Variants in FSTL5 observed in about 807,000 individuals in gnomAD.
FSTL5 encodes the protein follistatin like 5.
In FSTL5, 62 loss-of-function variants were observed where a neutral mutation model predicts 89.1. The observed-to-expected ratio is 0.70, with a 90% confidence interval of 0.57 to 0.86. The LOEUF is 0.86. FSTL5 is among the 40% of genes least tolerant of loss of function. The pLI is 0.00. For missense variants in FSTL5, 1,057 were observed against 1,001.6 expected, an observed-to-expected ratio of 1.06 and a Z score of -0.75; for synonymous variants, 383 against 346.2, an observed-to-expected ratio of 1.11 and a Z score of -1.18.
intron 12 of FSTL5, among the ~76,000 whole-genome samples, chr4:161,499,161 C>A (rs1382588186): frequency 6.6e-6 from 1 of 152,070 alleles, no homozygotes; most frequent in Non-Finnish European, 1.5e-5. Flanking sequence ...GAGATCACTC[C>A]ATTGCACTCC....
At chr4:161,848,297 G>A (rs1246157947) in intron 4 of FSTL5, among the ~76,000 whole-genome samples, 1 of 151,972 alleles carries the variant, frequency 6.6e-6, no homozygotes, top group African/African-American at 2.4e-5. Context: ...ACTTTCAGGA[G>A]GCTGATTTCT....
At chr4:161,767,956 G>A (rs1741075705) in intron 5 of FSTL5, among the ~76,000 whole-genome samples, 1 of 147,002 alleles carries the variant, frequency 6.8e-6, no homozygotes, top group Non-Finnish European at 1.5e-5. Context: ...GGTAATTAAC[G>A]CACATATGCG....
At position 161,724,025 on chromosome 4, in the gene FSTL5, A is replaced by G. The variant is rs1739309133; in HGVS notation, c.727+35386T>C. Among the ~76,000 whole-genome samples the G allele has an allele frequency of 2.6e-5, 4 of 152,292 alleles. No individual in the cohort carries two copies. In the Middle Eastern group the frequency reaches 0.014, roughly 522 times the overall value. ...AAAGGTAAAATGACAGTACAACCAG[A>G]TGAGATTAAAATGAATAAGGCCTTA... On this transcript the variant is annotated intron_variant, in intron 6 of 15. Coordinates refer to ENST00000306100, the MANE Select transcript of FSTL5 (RefSeq NM_020116.5).
At chr4:161,440,184 CA>C (rs1266137691) in intron 15 of FSTL5, among the ~76,000 whole-genome samples, 9 of 152,036 alleles carry the variant, frequency 5.9e-5, no homozygotes, top group Non-Finnish European at 1.5e-5. Flanking sequence ...TAAAAGTGAA[CA>C]AATCATCATT....
chr4:161,679,508 T>G (rs1157581584), intron 6 of FSTL5, among the ~76,000 whole-genome samples: 1 of 151,824 alleles, frequency 6.6e-6, no homozygotes, highest in African/African-American at 2.4e-5. Context: ...TCCAGCCGCA[T>G]GAACATGTGC....
chr4:161,538,056 T>TA, intron 10 of FSTL5, 110 bp downstream of exon 10: 1 of 919,236 alleles, frequency 1.1e-6, no homozygotes, highest in Non-Finnish European at 1.7e-6. Context: ...CTATTTGTTA[T>TA]AATGCATTGT....
chr4:161,949,071 T>C (rs751553664), intron 3 of FSTL5, among the ~76,000 whole-genome samples: 7 of 152,152 alleles, frequency 4.6e-5, no homozygotes, highest in Admixed American at 1.3e-4. Context: ...TGGGAGGTTC[T>C]AGGGGAGAAT....
At chr4:161,571,163 G>C (rs994776206) in intron 8 of FSTL5, among the ~76,000 whole-genome samples, 2 of 151,962 alleles carry the variant, frequency 1.3e-5, no homozygotes, top group African/African-American at 4.8e-5. Flanking sequence ...ATAGTAAAAA[G>C]AATCTGGGAA....
intron 4 of FSTL5, among the ~76,000 whole-genome samples, chr4:161,876,969 G>A (rs1732463468): frequency 1.3e-5 from 2 of 151,888 alleles, no homozygotes; most frequent in Admixed American, 1.3e-4. Flanking sequence ...CGGATCACCA[G>A]AGGTCGGGAG....
At chr4:162,004,484 C>A (rs1450456319) in intron 3 of FSTL5, among the ~76,000 whole-genome samples, 3 of 152,120 alleles carry the variant, frequency 2.0e-5, no homozygotes, top group Admixed American at 1.3e-4. Flanking sequence ...CATGCGTCTT[C>A]TTTTCATCTT....
intron 11 of FSTL5, among the ~76,000 whole-genome samples, chr4:161,508,149 T>G (rs540166588): frequency 2.6e-4 from 40 of 152,184 alleles, no homozygotes; most frequent in African/African-American, 8.7e-4. Context: ...TACCCAATGA[T>G]GGGGTTCAGT....
chr4:162,094,678 A>T (rs981528472), intron 2 of FSTL5, among the ~76,000 whole-genome samples: 1 of 152,214 alleles, frequency 6.6e-6, no homozygotes, highest in East Asian at 1.9e-4. Flanking sequence ...AAACTAATTC[A>T]TAGTGAAATA....
intron 6 of FSTL5, among the ~76,000 whole-genome samples, chr4:161,679,330 AT>A (rs1176196306): frequency 6.6e-6 from 1 of 151,746 alleles, no homozygotes; most frequent in African/African-American, 2.4e-5. Flanking sequence ...CTGTTTTTTC[AT>A]GCGTTGCAGG....
chr4:161,963,338 G>T lies in FSTL5; in HGVS notation c.161-42686C>A, dbSNP rs558467826. Among the ~76,000 whole-genome samples the T allele has an allele frequency of 1.3e-3, 202 of 151,904 alleles. No homozygotes were observed. In the Middle Eastern group the frequency reaches 0.014, roughly 10 times the overall value. ...GTTACAAGATGAGTATTTTTAAGAAGTTGGTTTTGAAGTTTTAAAAATATA... is the reference window on the plus strand; with the variant it reads ...GTTACAAGATGAGTATTTTTAAGAATTTGGTTTTGAAGTTTTAAAAATATA... On this transcript the variant is annotated intron_variant, in intron 3 of 15. Coordinates refer to ENST00000306100, the MANE Select transcript of FSTL5 (RefSeq NM_020116.5).
In FSTL5 at chr4:161,574,851, C is replaced by T. The variant is rs147598397; in HGVS notation, c.1015+12604G>A. On this transcript the variant is annotated intron_variant, in intron 8 of 15. Coordinates refer to ENST00000306100, the MANE Select transcript of FSTL5 (RefSeq NM_020116.5). ...ATAGTAGAATGATTCATAATCCTTT[C>T]GGTATATGCAGTAATGGGATCGCTG... 4.2e-3 allele frequency among the ~76,000 whole-genome samples: 633 copies of T among 152,214 alleles called. 3 individuals carry two copies. Among genetic ancestry groups the T allele is most frequent in the African/African-American group, 0.013 (547 of 41,524 alleles).
chr4:161,650,068 A>G (rs1736282814), intron 7 of FSTL5, among the ~76,000 whole-genome samples: 1 of 152,250 alleles, frequency 6.6e-6, no homozygotes, highest in Non-Finnish European at 1.5e-5. Flanking sequence ...GTAAAGTCCT[A>G]GAACTTTAAC....
At chr4:161,399,667 A>G (rs1578944154) in intron 15 of FSTL5, among the ~76,000 whole-genome samples, 1 of 152,182 alleles carries the variant, frequency 6.6e-6, no homozygotes, top group Admixed American at 6.5e-5. Context: ...ATGGCATTGC[A>G]TTGAACATGG....
chr4:161,523,726 A>G (rs1200920291), intron 10 of FSTL5, among the ~76,000 whole-genome samples: 1 of 152,200 alleles, frequency 6.6e-6, no homozygotes, highest in East Asian at 1.9e-4. Context: ...ATAGTAAACT[A>G]CAAGACAATT....
chr4:161,622,619 G>C (rs1735182856), intron 7 of FSTL5, among the ~76,000 whole-genome samples: 4 of 151,810 alleles, frequency 2.6e-5, no homozygotes, highest in Admixed American at 1.3e-4. Flanking sequence ...TTTAATCCTT[G>C]AAAACTGTAC....
Sources: allele counts gnomAD v4.1 joint callset (sites outside exome capture counted in the v4.1 genomes callset), GRCh38; gene constraint gnomAD v4.1.1; transcripts MANE v1.5; gene names NCBI Gene and HGNC (gene_info 2026-07-23, HGNC 2026-07-21).